Variants in ATXN3 observed in about 807,000 individuals in gnomAD.
ATXN3 encodes the protein ataxin-3.
A neutral mutation model predicts 58.2 loss-of-function variants in ATXN3; 28 were observed. The ratio of observed to expected loss-of-function variants is 0.48; its 90% CI spans 0.36 to 0.66. The LOEUF is 0.66. Among genes scored for constraint, ATXN3 ranks in the 30% least tolerant of loss-of-function variants. ATXN3 has a pLI of 0.00. For synonymous variants in ATXN3, 113 were observed against 138.5 expected, an observed-to-expected ratio of 0.82 and a Z score of 1.29; for missense variants, 321 against 422.1, an observed-to-expected ratio of 0.76 and a Z score of 2.10.
At chr14:92,054,883 T>G (rs2057460005), downstream of ATXN3, among the ~76,000 whole-genome samples, 1 of 152,114 alleles carries the variant, frequency 6.6e-6, no homozygotes, top group African/African-American at 2.4e-5. Flanking sequence ...AGTTTGTTTT[T>G]GTTTTTGTTT....
intron 1 of ATXN3, 47 bp downstream of exon 1, chr14:92,106,482 C>A (rs2141414186): frequency 3.7e-6 from 6 of 1,612,248 alleles, no homozygotes; most frequent in Non-Finnish European, 5.1e-6. Flanking sequence ...GCGCTCCACG[C>A]CCGCCACCGC....
chr14:92,055,843 C>G (rs1022109410), downstream of ATXN3, among the ~76,000 whole-genome samples: 2 of 152,190 alleles, frequency 1.3e-5, 1 homozygote, highest in South Asian at 4.1e-4. The surrounding 1 kb of genome is among the most constrained non-coding windows in gnomAD (Gnocchi z 4.5). Context: ...CGCCTATAAT[C>G]CCAGCTATTC....
At chr14:92,065,150 T>A (rs1451614900) in intron 10 of ATXN3, among the ~76,000 whole-genome samples, 2 of 152,212 alleles carry the variant, frequency 1.3e-5, no homozygotes, top group African/African-American at 4.8e-5. Context: ...TGGAAACCAC[T>A]AATATGTTCT....
chr14:92,056,899 T>C (rs759577568), downstream of ATXN3, among the ~76,000 whole-genome samples: 5 of 152,124 alleles, frequency 3.3e-5, no homozygotes, highest in Admixed American at 6.5e-5. Flanking sequence ...CAGGATGAGA[T>C]AGAAGGTCTG....
At chr14:92,064,896 G>A (rs568253470) in intron 10 of ATXN3, among the ~76,000 whole-genome samples, 3 of 152,264 alleles carry the variant, frequency 2.0e-5, no homozygotes, top group African/African-American at 4.8e-5. Flanking sequence ...GAGAGGTTTC[G>A]TGTACTCTTT....
chr14:92,064,884 A>T (rs57086831), intron 10 of ATXN3, among the ~76,000 whole-genome samples: 1 of 152,350 alleles, frequency 6.6e-6, no homozygotes, highest in African/African-American at 2.4e-5. Context: ...AAAGATATTT[A>T]AGAGAGGTTT....
Position 92,097,188 on chromosome 14 carries a change from C to A in ATXN3, c.25-350G>T, listed in dbSNP as rs776628724. Among the ~76,000 whole-genome samples, 286 of 150,834 alleles carry A rather than the reference C, an allele frequency of 1.9e-3. 5 individuals are homozygous for A. The highest frequency in any genetic ancestry group is 8.8e-3 in the South Asian group (42 of 4,748). ...CCTCCCAAAGTGCTGGGATTACAGGCGTGAGCCACTGCGCCCGGCTCCCCT... is the reference window on the plus strand; with the variant it reads ...CCTCCCAAAGTGCTGGGATTACAGGAGTGAGCCACTGCGCCCGGCTCCCCT... On this transcript the variant is annotated intron_variant, in intron 1 of 10. Coordinates refer to ENST00000644486, the MANE Select transcript of ATXN3 (RefSeq NM_004993.6).
At position 92,059,247 on chromosome 14, in the gene ATXN3, C is replaced by T. The variant is rs2140175216; in HGVS notation, c.*5073G>A. The stretch of plus-strand genomic sequence containing the variant: ...AACAAAATCAAAATTCTAGAATTTA[C>T]CAACGATGTCAATAATCTTCACTCA... On this transcript the variant is annotated 3_prime_UTR_variant, in exon 11 of 11. Coordinates refer to ENST00000644486, the MANE Select transcript of ATXN3 (RefSeq NM_004993.6). 1 of 152,090 alleles carries T rather than the reference C, an allele frequency of 6.6e-6. No homozygotes were observed. The highest frequency in any genetic ancestry group is 2.1e-4 in the South Asian group (1 of 4,816). The allele number at this position is 152,090 out of a possible 1,614,324, so 9.4% of individuals were successfully genotyped here.
intron 1 of ATXN3, among the ~76,000 whole-genome samples, chr14:92,105,468 A>T (rs1156691221): frequency 6.6e-6 from 1 of 152,208 alleles, no homozygotes; most frequent in Non-Finnish European, 1.5e-5. Context: ...TGGTAAATGT[A>T]TTCTTTTGTC....
chr14:92,069,746 G>A (rs1375387719), intron 10 of ATXN3, among the ~76,000 whole-genome samples: 1 of 152,158 alleles, frequency 6.6e-6, no homozygotes, highest in Non-Finnish European at 1.5e-5. Flanking sequence ...ACATGATTGG[G>A]ACTGCTGGAT....
chr14:92,067,979 C>T (rs528428826), intron 10 of ATXN3, among the ~76,000 whole-genome samples: 1 of 152,290 alleles, frequency 6.6e-6, no homozygotes, highest in Non-Finnish European at 1.5e-5. Flanking sequence ...AGAGCAGTGC[C>T]TTGTTACTGA....
intron 4 of ATXN3, 189 bp downstream of exon 4, chr14:92,093,557 G>A (rs1235678141): frequency 1.6e-6 from 1 of 637,694 alleles, no homozygotes; most frequent in Non-Finnish European, 2.7e-6. Context: ...CACAGACACT[G>A]GGGTGCCAGG....
At chr14:92,098,287 C>G (rs1215269172) in intron 1 of ATXN3, among the ~76,000 whole-genome samples, 1 of 152,032 alleles carries the variant, frequency 6.6e-6, no homozygotes, top group Non-Finnish European at 1.5e-5. Context: ...AACATTTATT[C>G]TTTTAACATG....
chr14:92,046,591 G>A (rs1489723630), intron 2 of ATXN3, among the ~76,000 whole-genome samples: 2 of 151,830 alleles, frequency 1.3e-5, no homozygotes, highest in East Asian at 3.9e-4. Context: ...GAGAGCTAGT[G>A]TGGGAGCAGC....
At chr14:92,079,484 G>GA in intron 9 of ATXN3, 2 of 965,728 alleles carry the variant, frequency 2.1e-6, no homozygotes, top group Non-Finnish European at 2.5e-6. Context: ...AAACAAAACA[G>GA]AAAAAAAGGT....
At chr14:92,078,978 G>A (rs547463247) in intron 9 of ATXN3, among the ~76,000 whole-genome samples, 2 of 152,108 alleles carry the variant, frequency 1.3e-5, no homozygotes, top group African/African-American at 4.8e-5. Context: ...TTGAGGTCAG[G>A]AGTTTAAGGC....
intron 10 of ATXN3, among the ~76,000 whole-genome samples, chr14:92,069,371 C>CT (rs34755730): frequency 0.58 from 53,585 of 92,552 alleles, 17,864 homozygotes; most frequent in Non-Finnish European, 0.64. Flanking sequence ...GTGTCCAGCC[C>CT]TTTTTTTTTT....
Position 92,063,409 on chromosome 14 carries a change from T to G in ATXN3, c.*911A>C, listed in dbSNP as rs1190341049. On this transcript the variant is annotated 3_prime_UTR_variant, in exon 11 of 11. Transcript: ENST00000644486. The stretch of plus-strand genomic sequence containing the variant: ...TACATTCATGGTGGGTACGTATGTT[T>G]AGTCTTCTAACAGAAGGAGACTTGC... 2.0e-5 allele frequency: 3 copies of G among 152,204 alleles called. No individual in the cohort carries two copies. Among genetic ancestry groups the G allele is most frequent in the African/African-American group, 7.2e-5 (3 of 41,456 alleles). The allele number at this position is 152,204 out of a possible 1,614,324, so 9.4% of individuals were successfully genotyped here.
In ATXN3 at chr14:92,106,447, C is replaced by T. The variant is rs943882011; in HGVS notation, c.24+82G>A. The T allele has an allele frequency of 3.2e-6, 5 of 1,582,812 alleles. No individual in the cohort carries two copies. The Admixed American group carries it at 8.4e-5, about 26-fold the overall frequency. ...GCATGGGGGCGACTCGGGCCCCACC[C>T]AGCCCTCCGAGAGGCGGTGATGCCG... On this transcript the variant is annotated intron_variant, in intron 1 of 10. Coordinates refer to ENST00000644486, the MANE Select transcript of ATXN3 (RefSeq NM_004993.6).
Sources: allele counts gnomAD v4.1 joint callset (sites outside exome capture counted in the v4.1 genomes callset), GRCh38; gene constraint gnomAD v4.1.1; non-coding constraint Gnocchi (gnomAD v3.1); transcripts MANE v1.5; gene names NCBI Gene and HGNC (gene_info 2026-07-23, HGNC 2026-07-21).